ZFAT: variants seen among roughly 807,000 people sequenced by gnomAD.
ZFAT encodes zinc finger and AT-hook domain containing, also known as zinc finger protein ZFAT.
ZFAT carries 64 observed loss-of-function variants against 117.7 expected under a neutral mutation model. That is an observed-to-expected ratio of 0.54 (90% confidence interval 0.44 to 0.67). The LOEUF (loss-of-function observed/expected upper bound fraction) is 0.67. ZFAT is among the 30% of genes least tolerant of loss of function. ZFAT has a pLI of 0.00. For missense variants in ZFAT, 1,433 were observed against 1,584.5 expected (o/e 0.90, Z 1.62); for synonymous variants, 679 against 615.0 (o/e 1.10, Z -1.54).
chr8:134,516,039 T>C (rs1820229009), intron 13 of ZFAT, among the ~76,000 whole-genome samples: 1 of 152,228 alleles, frequency 6.6e-6, no homozygotes, highest in Non-Finnish European at 1.5e-5. Flanking sequence ...GGTTCACACA[T>C]TAGAACTGAT....
intron 4 of ZFAT, among the ~76,000 whole-genome samples, chr8:134,610,151 C>T (rs557593706): frequency 1.2e-4 from 18 of 152,172 alleles, no homozygotes; most frequent in African/African-American, 3.9e-4. Flanking sequence ...GGCACACACC[C>T]AGGAGAAGAG....
intron 1 of ZFAT, among the ~76,000 whole-genome samples, chr8:134,678,258 T>G (rs186663050): frequency 6.6e-6 from 1 of 152,266 alleles, no homozygotes; most frequent in Admixed American, 6.5e-5. Context: ...TCTCAGGATA[T>G]AAAATCAACG....
intron 1 of ZFAT, among the ~76,000 whole-genome samples, chr8:134,670,035 TC>T (rs1169492978): frequency 6.6e-6 from 1 of 152,168 alleles, no homozygotes; most frequent in Non-Finnish European, 1.5e-5. Context: ...AGGGACCAAT[TC>T]AACAAGAAGA....
At chr8:134,780,167 A>C in the ZFAT span, among the ~76,000 whole-genome samples, 1 of 152,172 alleles carries the variant, frequency 6.6e-6, no homozygotes. Flanking sequence ...AAATGACTAG[A>C]ATCTTCCATT....
At position 134,512,554 on chromosome 8, in the gene ZFAT, G is replaced by T. The variant is rs3739429; in HGVS notation, c.3282C>A (p.Ile1094=). ...CTTGAACGTCTTCTTCGGCCTCTGT[G>T]ATGTGGAGATACTGGGTGGAGGGCT... ...PEEPSTQYLH[I]TEAEEDVQGT... The change falls in exon 14 of 16, where the codon ATC becomes ATA. Residue 1094 remains isoleucine, a synonymous_variant. Coordinates refer to ENST00000377838, the MANE Select transcript of ZFAT (RefSeq NM_020863.4). 140,849 of 1,613,802 alleles carry T rather than the reference G, an allele frequency of 0.087. 9,761 individuals are homozygous for T. Among genetic ancestry groups the T allele is most frequent in the African/African-American group, 0.34 (25,117 of 74,970 alleles).
At chr8:134,712,815 C>G (rs71528372) in intron 1 of ZFAT, 30 bp downstream of exon 1, 8 of 1,129,344 alleles carry the variant, frequency 7.1e-6, no homozygotes, top group East Asian at 3.3e-5. Flanking sequence ...ACCCCCACCC[C>G]GTCTCACCCC....
chr8:134,641,647 G>A (rs1277172279), intron 2 of ZFAT, among the ~76,000 whole-genome samples: 1 of 152,110 alleles, frequency 6.6e-6, no homozygotes, highest in Non-Finnish European at 1.5e-5. Context: ...TTAATTCCTG[G>A]GTCCCACAGG....
chr8:134,590,567 T>A (rs28626764), intron 7 of ZFAT, among the ~76,000 whole-genome samples: 1 of 142,738 alleles, frequency 7.0e-6, no homozygotes, highest in South Asian at 2.3e-4. Context: ...CCATCACTAC[T>A]ACCACCATCA....
At chr8:134,685,144 A>G (rs959161985) in intron 1 of ZFAT, among the ~76,000 whole-genome samples, 4 of 152,082 alleles carry the variant, frequency 2.6e-5, no homozygotes, top group African/African-American at 4.8e-5. Flanking sequence ...AGCCCAGTAC[A>G]TGGTGTCATC....
intron 2 of ZFAT, among the ~76,000 whole-genome samples, chr8:134,645,486 C>T (rs902216737): frequency 2.0e-5 from 3 of 151,852 alleles, no homozygotes; most frequent in African/African-American, 7.3e-5. Context: ...GTTTAGTATA[C>T]ACACACACAC....
At chr8:134,690,349 C>T (rs1490751063) in intron 1 of ZFAT, among the ~76,000 whole-genome samples, 4 of 152,246 alleles carry the variant, frequency 2.6e-5, no homozygotes, top group South Asian at 2.1e-4. Context: ...AGATGACGGA[C>T]GAATATTTTC....
chr8:134,797,997 A>AC, the ZFAT span: 3 of 151,792 alleles, frequency 2.0e-5, no homozygotes, highest in Admixed American at 2.0e-4. Context: ...CTAAAAAAAA[A>AC]ACACATTAAA....
At chr8:134,724,400 CA>C in the ZFAT span, among the ~76,000 whole-genome samples, 1 of 152,178 alleles carries the variant, frequency 6.6e-6, no homozygotes, top group East Asian at 1.9e-4. Context: ...CCTGATGTGC[CA>C]GGGGTTACTC....
the ZFAT span, among the ~76,000 whole-genome samples, chr8:134,812,138 C>T: frequency 6.6e-6 from 1 of 151,958 alleles, no homozygotes; most frequent in Non-Finnish European, 1.5e-5. Context: ...GAGCAAGACT[C>T]TGTATCAATA....
chr8:134,687,629 C>A (rs936663951), intron 1 of ZFAT, among the ~76,000 whole-genome samples: 1 of 152,020 alleles, frequency 6.6e-6, no homozygotes, highest in Non-Finnish European at 1.5e-5. Context: ...CCCCCTGTCC[C>A]GCTGCAGACC....
At chr8:134,505,645 C>T (rs1819351213) in intron 15 of ZFAT, among the ~76,000 whole-genome samples, 1 of 152,046 alleles carries the variant, frequency 6.6e-6, no homozygotes, top group Non-Finnish European at 1.5e-5. Context: ...GATGTCAGAC[C>T]TTAGCCTGCC....
rs531846492 is a variant in ZFAT, at chr8:134,507,184, C to T, written c.3492+2435G>A. 2.6e-5 allele frequency among the ~76,000 whole-genome samples: 4 copies of T among 152,250 alleles called. No individual in the cohort carries two copies. In the South Asian group the frequency reaches 8.3e-4, roughly 32 times the overall value. Reference sequence around the variant, plus strand: ...ATATAATTTCTTGACTGAAAAAATCCTAAACCAGAGTTTAATTAAAAGAAA... The same window carrying T: ...ATATAATTTCTTGACTGAAAAAATCTTAAACCAGAGTTTAATTAAAAGAAA... On this transcript the variant is annotated intron_variant, in intron 15 of 15. Transcript: ENST00000377838.
At chr8:134,592,582 AT>A (rs1826587524) in intron 7 of ZFAT, among the ~76,000 whole-genome samples, 2 of 152,332 alleles carry the variant, frequency 1.3e-5, no homozygotes, top group Admixed American at 1.3e-4. Context: ...CACAGGAAGG[AT>A]AAGGGAGATG....
At chr8:134,818,048 G>C in the ZFAT span, among the ~76,000 whole-genome samples, 1 of 152,098 alleles carries the variant, frequency 6.6e-6, no homozygotes, top group Non-Finnish European at 1.5e-5. Context: ...CAGGGAGAAA[G>C]CACAGGAGAA....
Sources: gnomAD v4.1 joint callset for allele counts (sites outside exome capture counted in the v4.1 genomes callset) on GRCh38, gnomAD v4.1.1 for gene constraint, MANE v1.5 for transcripts, NCBI Gene and HGNC (gene_info 2026-07-23, HGNC 2026-07-21) for gene names.